TGFBR3: variants seen among roughly 807,000 people sequenced by gnomAD.
TGFBR3 encodes the protein transforming growth factor beta receptor 3.
TGFBR3 carries 46 observed loss-of-function variants against 87.9 expected under a neutral mutation model. That is an observed-to-expected ratio of 0.52 (90% CI 0.41 to 0.67). TGFBR3 has a LOEUF of 0.67. Ranked by LOEUF, TGFBR3 falls within the 30% of genes least tolerant of loss-of-function variation. The pLI is 0.00. For missense variants in TGFBR3, 866 were observed against 1,041.9 expected (o/e 0.83, Z 2.32); for synonymous variants, 381 against 391.6 (o/e 0.97, Z 0.32).
chr1:91,780,320 T>C (rs1390161847), intron 3 of TGFBR3, among the ~76,000 whole-genome samples: 2 of 152,218 alleles, frequency 1.3e-5, no homozygotes, highest in South Asian at 2.1e-4. Context: ...TTTGATCTTC[T>C]GTTAACTCTC....
chr1:91,833,803 C>A (rs1676956932), intron 2 of TGFBR3, among the ~76,000 whole-genome samples: 1 of 151,262 alleles, frequency 6.6e-6, no homozygotes, highest in Non-Finnish European at 1.5e-5. Context: ...GGAAGAAAAC[C>A]CTGAATCAAG....
intron 1 of TGFBR3, 165 bp from the exon 2 acceptor site, chr1:91,861,809 A>C (rs1026802592): frequency 2.2e-6 from 1 of 445,136 alleles, no homozygotes. Context: ...ACTATCTAAT[A>C]AAGATTTTTA....
At chr1:91,887,236 CTTTTTTTTTTTTT>C (rs71087977), upstream of TGFBR3, among the ~76,000 whole-genome samples, 1 of 41,408 alleles carries the variant, frequency 2.4e-5, no homozygotes, top group East Asian at 5.2e-4. Context: ...GGACCTATGC[CTTTTTTTTTTTTT>C]TTTTTTTTTT....
intron 16 of TGFBR3, among the ~76,000 whole-genome samples, chr1:91,694,354 C>T (rs1671361124): frequency 6.6e-6 from 1 of 152,220 alleles, no homozygotes; most frequent in African/African-American, 2.4e-5. Flanking sequence ...CTCAAAGTCT[C>T]TCTATTCAAG....
chr1:91,776,465 T>C (rs545044534), intron 3 of TGFBR3, among the ~76,000 whole-genome samples: 46 of 152,240 alleles, frequency 3.0e-4, no homozygotes, highest in Non-Finnish European at 5.3e-4. Flanking sequence ...GGTTAGGTTC[T>C]ACCAATTATT....
chr1:91,876,712 A>G (rs917871818), intron 1 of TGFBR3, among the ~76,000 whole-genome samples: 2 of 152,302 alleles, frequency 1.3e-5, no homozygotes, highest in East Asian at 3.9e-4. Flanking sequence ...TGTCAGCAAA[A>G]ACTGCCTAAA....
chr1:91,895,494 AT>A (rs1557766855), intron 2 of TGFBR3, among the ~76,000 whole-genome samples: 1 of 151,920 alleles, frequency 6.6e-6, no homozygotes, highest in East Asian at 1.9e-4. Flanking sequence ...GTATTTCTTT[AT>A]TTTTTTAGAG....
chr1:91,765,407 G>T (rs570566742), intron 3 of TGFBR3, among the ~76,000 whole-genome samples: 11 of 152,036 alleles, frequency 7.2e-5, no homozygotes, highest in Admixed American at 7.2e-4. Context: ...GAACAAGGGG[G>T]TTGGGGTGTA....
chr1:91,889,354 C>T (rs1229546635), upstream of TGFBR3, among the ~76,000 whole-genome samples: 1 of 152,084 alleles, frequency 6.6e-6, no homozygotes, highest in Non-Finnish European at 1.5e-5. Context: ...TCACATCCAC[C>T]GACCTCAAAA....
At chr1:91,871,179 G>C (rs1571590834) in intron 1 of TGFBR3, among the ~76,000 whole-genome samples, 1 of 152,068 alleles carries the variant, frequency 6.6e-6, no homozygotes, top group Non-Finnish European at 1.5e-5. Context: ...AGAAACAGCT[G>C]ACTTTCAAAA....
intron 3 of TGFBR3, among the ~76,000 whole-genome samples, chr1:91,774,914 CA>C (rs1674516558): frequency 6.6e-6 from 1 of 152,018 alleles, no homozygotes; most frequent in African/African-American, 2.4e-5. Context: ...CTGAAAGAAA[CA>C]AAAGGATAAA....
At chr1:91,716,455 G>A in intron 11 of TGFBR3, 61 bp from the exon 12 acceptor site, 1 of 1,613,540 alleles carries the variant, frequency 6.2e-7, no homozygotes, top group Non-Finnish European at 8.5e-7. Context: ...AGGCCCTGTA[G>A]CTTCATGAGC....
At chr1:91,808,407 G>A (rs1456799166) in intron 2 of TGFBR3, among the ~76,000 whole-genome samples, 1 of 152,160 alleles carries the variant, frequency 6.6e-6, no homozygotes, top group Non-Finnish European at 1.5e-5. Context: ...AATCCATAAA[G>A]ACAATCAGTT....
chr1:91,736,529 A>C (rs948409622), intron 4 of TGFBR3, among the ~76,000 whole-genome samples: 1 of 151,906 alleles, frequency 6.6e-6, no homozygotes, highest in Non-Finnish European at 1.5e-5. Flanking sequence ...ACAAAACCAG[A>C]GGGGAACATG....
rs1671410434 is a variant in TGFBR3, at chr1:91,695,676, G to A, written c.2433C>T (p.His811=). The change falls in exon 16 of 17, where the codon CAC becomes CAT. Residue 811 remains histidine, a synonymous_variant. Transcript: ENST00000212355. ...LTGALWYIYS[H]TGETAGRQQV... is the part of the protein sequence containing the mutation. Reference sequence around the variant, plus strand: ...TTACTCAACAGTCACACTAACCTGTGTGAGAATAGATGTACCACAAGGCCC... The same window carrying A: ...TTACTCAACAGTCACACTAACCTGTATGAGAATAGATGTACCACAAGGCCC... 1.2e-6 allele frequency: 2 copies of A among 1,613,670 alleles called. No homozygotes were observed. Among genetic ancestry groups the A allele is most frequent in the Middle Eastern group, 1.7e-4 (1 of 6,060 alleles).
chr1:91,813,095 C>A (rs1299664036), intron 2 of TGFBR3, among the ~76,000 whole-genome samples: 3 of 152,068 alleles, frequency 2.0e-5, no homozygotes, highest in African/African-American at 7.2e-5. Flanking sequence ...CACAGAGTAA[C>A]CTATATGGAC....
intron 1 of TGFBR3, among the ~76,000 whole-genome samples, chr1:91,877,624 A>T (rs1446126029): frequency 6.6e-6 from 1 of 152,252 alleles, no homozygotes; most frequent in Non-Finnish European, 1.5e-5. Flanking sequence ...TGAAATAAAG[A>T]TGCCACAAAT....
chr1:91,841,177 G>C (rs1677263052), intron 2 of TGFBR3, among the ~76,000 whole-genome samples: 1 of 152,168 alleles, frequency 6.6e-6, no homozygotes, highest in Admixed American at 6.5e-5. Context: ...TTGTCTGTCA[G>C]TCACTCTTTC....
chr1:91,699,797 G>A (rs145534319), intron 14 of TGFBR3, among the ~76,000 whole-genome samples: 17 of 152,308 alleles, frequency 1.1e-4, no homozygotes, highest in African/African-American at 4.1e-4. Context: ...CAGGCTAAAT[G>A]ACTGGTGAGC....
Sources: allele counts gnomAD v4.1 joint callset (sites outside exome capture counted in the v4.1 genomes callset), GRCh38; gene constraint gnomAD v4.1.1; transcripts MANE v1.5; gene names NCBI Gene and HGNC (gene_info 2026-07-23, HGNC 2026-07-21).